Variants in ADGRL2 observed in about 807,000 individuals in gnomAD.
ADGRL2 encodes the protein adhesion G protein-coupled receptor L2.
In ADGRL2, 44 loss-of-function variants were observed where a neutral mutation model predicts 157.4. That is an observed-to-expected ratio of 0.28 (90% CI 0.22 to 0.36). ADGRL2 has a LOEUF of 0.36. Among genes scored for constraint, ADGRL2 ranks in the 10% least tolerant of loss-of-function variants. The pLI, the probability that ADGRL2 is intolerant of heterozygous loss-of-function variation, is 1.00. For missense variants in ADGRL2, 1,510 were observed against 1,768.9 expected, an observed-to-expected ratio of 0.85 and a Z score of 2.63; for synonymous variants, 585 against 624.7, an observed-to-expected ratio of 0.94 and a Z score of 0.95.
chr1:81,824,099 G>A (rs1173699926), intron 1 of ADGRL2, among the ~76,000 whole-genome samples: 3 of 151,938 alleles, frequency 2.0e-5, no homozygotes, highest in African/African-American at 2.4e-5. Context: ...ACATAAATTC[G>A]TGACATTACT....
chr1:81,778,980 G>A (rs974410136), intron 2 of ADGRL2, among the ~76,000 whole-genome samples: 1 of 152,132 alleles, frequency 6.6e-6, no homozygotes, highest in African/African-American at 2.4e-5. Context: ...TAAATACTTA[G>A]TATATACTTT....
At chr1:81,877,916 CT>C (rs2093883781) in intron 2 of ADGRL2, among the ~76,000 whole-genome samples, 1 of 152,026 alleles carries the variant, frequency 6.6e-6, no homozygotes, top group African/African-American at 2.4e-5. Context: ...CCAGTTAAAT[CT>C]TATTTGAAAG....
chr1:81,774,140 C>T (rs1184734388), intron 2 of ADGRL2, among the ~76,000 whole-genome samples: 1 of 150,822 alleles, frequency 6.6e-6, no homozygotes, highest in African/African-American at 2.5e-5. Flanking sequence ...GTTATGGCAG[C>T]CCTAGCAAAT....
upstream of ADGRL2, among the ~76,000 whole-genome samples, chr1:81,695,613 T>C (rs1570862316): frequency 6.6e-6 from 1 of 151,950 alleles, no homozygotes; most frequent in African/African-American, 2.4e-5. Flanking sequence ...TGAGGTCAGG[T>C]GTTAAGAGAC....
chr1:81,642,239 C>G (rs2082232661), intron 3 of ADGRL2, among the ~76,000 whole-genome samples: 1 of 139,894 alleles, frequency 7.1e-6, no homozygotes, highest in South Asian at 2.3e-4. Flanking sequence ...CAGAGCGAGA[C>G]TCTGTCTCCA....
intron 2 of ADGRL2, chr1:81,502,314 T>C: frequency 6.2e-7 from 1 of 1,613,978 alleles, no homozygotes; most frequent in Non-Finnish European, 8.5e-7. Context: ...AACTGGAATC[T>C]GGATGAGCAG....
At chr1:81,508,418 C>T (rs763232804) in intron 2 of ADGRL2, among the ~76,000 whole-genome samples, 36 of 152,168 alleles carry the variant, frequency 2.4e-4, no homozygotes, top group Non-Finnish European at 4.7e-4. Flanking sequence ...CACTTTGAGA[C>T]TCACTGACCT....
chr1:81,956,448 G>A (rs1404913438), intron 11 of ADGRL2, among the ~76,000 whole-genome samples: 1 of 146,024 alleles, frequency 6.8e-6, no homozygotes, highest in Non-Finnish European at 1.5e-5. Context: ...TGCATTCTCA[G>A]TCAGATATTT....
At chr1:81,806,595 AT>A (rs2089192094) in intron 1 of ADGRL2, among the ~76,000 whole-genome samples, 1 of 152,052 alleles carries the variant, frequency 6.6e-6, no homozygotes. Flanking sequence ...AACCATAGTA[AT>A]AAAATGTTAT....
At chr1:81,454,724 T>C (rs1010433901) in intron 2 of ADGRL2, among the ~76,000 whole-genome samples, 13 of 152,172 alleles carry the variant, frequency 8.5e-5, no homozygotes, top group Non-Finnish European at 1.5e-4. Flanking sequence ...CATTTAGATA[T>C]CAAGAGCGAT....
At chr1:81,460,719 G>T (rs1316694744) in intron 2 of ADGRL2, among the ~76,000 whole-genome samples, 1 of 152,178 alleles carries the variant, frequency 6.6e-6, no homozygotes, top group Non-Finnish European at 1.5e-5. Context: ...AGAATAAAAT[G>T]GTCAGAAACA....
At chr1:81,884,774 C>T (rs1197902563) in intron 2 of ADGRL2, among the ~76,000 whole-genome samples, 1 of 152,110 alleles carries the variant, frequency 6.6e-6, no homozygotes, top group African/African-American at 2.4e-5. Flanking sequence ...AATCATGACC[C>T]TTCCTGCTGA....
rs550525684 is a variant in ADGRL2, at chr1:81,763,771, C to T, written c.-101+1919C>T. On this transcript the variant is annotated intron_variant, in intron 2 of 20. Transcript: ENST00000359929. ...CGCAGTGGCTTACGCCTGTGGGAGA[C>T]GGAGGCGGGCGGATTACCTGAGGTC... Among the ~76,000 whole-genome samples the T allele has an allele frequency of 1.3e-3, 201 of 152,058 alleles. No individual in the cohort carries two copies. The Middle Eastern group carries it at 0.014, about 10-fold the overall frequency.
chr1:81,582,061 A>C (rs1570564421), intron 3 of ADGRL2, among the ~76,000 whole-genome samples: 1 of 151,934 alleles, frequency 6.6e-6, no homozygotes, highest in African/African-American at 2.4e-5. Context: ...TCTCTACTAA[A>C]AATACAAAAT....
chr1:81,476,141 GAAAGAGAA>G (rs1384489829), intron 2 of ADGRL2, among the ~76,000 whole-genome samples: 1 of 150,586 alleles, frequency 6.6e-6, no homozygotes, highest in East Asian at 2.0e-4. Flanking sequence ...AAAAAAGAAA[GAAAGAGAA>G]AGAGCATAAG....
rs114446401 is a variant in ADGRL2 at position 81,352,687 on chromosome 1, G to T, written c.-302+46178G>T. ...AGAGGAAAGTGGTTTTTAAACCTCC[G>T]TTGGTAAATTTTATGTACCTGTTTA... On this transcript the variant is annotated intron_variant, in intron 1 of 24. Coordinates refer to the ADGRL2 transcript ENST00000370721. Among the ~76,000 whole-genome samples, 1,058 of 152,208 alleles carry T rather than the reference G, an allele frequency of 7.0e-3. 14 individuals are homozygous for T. The highest frequency in any genetic ancestry group is 0.024 in the African/African-American group (979 of 41,544).
In ADGRL2 at chr1:81,792,486, G is replaced by T. The variant is rs898663326; in HGVS notation, c.-101+30634G>T. 5.3e-5 allele frequency among the ~76,000 whole-genome samples: 8 copies of T among 152,064 alleles called. No individual in the cohort carries two copies. In the East Asian group the frequency reaches 1.5e-3, roughly 29 times the overall value. On this transcript the variant is annotated intron_variant, in intron 2 of 20. Transcript: ENST00000359929. ...CATGTGCATATATATATTTTTTACAGAATTTAAATAATTCATTCAAATAAA... is the reference window on the plus strand; with the variant it reads ...CATGTGCATATATATATTTTTTACATAATTTAAATAATTCATTCAAATAAA...
chr1:81,521,207 C>T (rs2148164280), intron 2 of ADGRL2, among the ~76,000 whole-genome samples: 1 of 152,288 alleles, frequency 6.6e-6, no homozygotes, highest in East Asian at 1.9e-4. Context: ...ATCTGTCTGA[C>T]TTTAAAGCTA....
At chr1:81,621,943 T>C (rs1309830134) in intron 3 of ADGRL2, among the ~76,000 whole-genome samples, 1 of 152,186 alleles carries the variant, frequency 6.6e-6, no homozygotes, top group Non-Finnish European at 1.5e-5. Context: ...TTACAATTTT[T>C]CCCTTGGTGA....
Sources: gnomAD v4.1 joint callset for allele counts (sites outside exome capture counted in the v4.1 genomes callset) on GRCh38, gnomAD v4.1.1 for gene constraint, MANE v1.5 for transcripts, NCBI Gene and HGNC (gene_info 2026-07-23, HGNC 2026-07-21) for gene names.